MALL: variants seen among roughly 807,000 people sequenced by gnomAD.
MALL encodes mal, T cell differentiation protein like, also known as MAL-like protein.
In MALL, 2 loss-of-function variants were observed where a neutral mutation model predicts 10.3. The ratio of observed to expected loss-of-function variants is 0.19; its 90% CI spans 0.08 to 0.61. The LOEUF is 0.61. Ranked by LOEUF, MALL falls within the 20% of genes least tolerant of loss-of-function variation. The pLI, the probability that MALL is intolerant of heterozygous loss-of-function variation, is 0.88. For missense variants in MALL, 39 were observed against 115.2 expected (o/e 0.34, Z 3.03); for synonymous variants, 27 against 51.8 (o/e 0.52, Z 2.05).
chr2:110,110,723 C>G (rs1031260557), intron 1 of MALL, among the ~76,000 whole-genome samples: 1 of 152,032 alleles, frequency 6.6e-6, no homozygotes, highest in Non-Finnish European at 1.5e-5. Context: ...TTCTATGAAG[C>G]CAGCATCACC....
chr2:110,112,153 C>T (rs987951740), intron 1 of MALL, among the ~76,000 whole-genome samples: 3 of 152,072 alleles, frequency 2.0e-5, no homozygotes, highest in Non-Finnish European at 4.4e-5. Flanking sequence ...TTGGCAAAAC[C>T]CTTCTAGACA....
At chr2:110,116,521 G>C (rs115923814), upstream of MALL, 1 of 152,392 alleles carries the variant, frequency 6.6e-6, no homozygotes, top group African/African-American at 2.4e-5. Context: ...GGACCACACC[G>C]GCAGGCACCA....
intron 1 of MALL, among the ~76,000 whole-genome samples, chr2:110,105,271 G>A (rs374018935): frequency 7.9e-5 from 12 of 152,224 alleles, no homozygotes; most frequent in East Asian, 5.8e-4. Flanking sequence ...GGCCAAGGTG[G>A]CCACAGGCAG....
intron 1 of MALL, among the ~76,000 whole-genome samples, chr2:110,107,886 A>T (rs1678727582): frequency 6.6e-6 from 1 of 152,200 alleles, no homozygotes; most frequent in African/African-American, 2.4e-5. Flanking sequence ...AATCCAGAGT[A>T]CCAGCCCAGA....
In MALL at chr2:110,115,732, C is replaced by A. The variant is rs764075408; in HGVS notation, c.61G>T (p.Ala21Ser). Residue 21 changes from alanine (A) to serine (S), a missense_variant, in exon 1 of 4, where the codon GCG becomes TCG. This residue lies in a region of MALL where 39 missense variants were observed against 48.0 expected (regional missense o/e 0.81). Transcript: ENST00000272462. ...YAPSDVPSGV[A>S]LFLTIPFAFF... ...GCGAAAGGGATGGTGAGGAACAGCG[C>A]GACCCCCGAGGGCACGTCGGACGGG... 2.4e-5 allele frequency: 31 copies of A among 1,292,778 alleles called. No homozygotes were observed. The highest frequency in any genetic ancestry group is 3.1e-5 in the Non-Finnish European group (31 of 1,012,806). The allele number at this position is 1,292,778 out of a possible 1,614,324, so 80.1% of individuals were successfully genotyped here.
chr2:110,101,120 C>G (rs1264451248), intron 1 of MALL, among the ~76,000 whole-genome samples: 3 of 152,040 alleles, frequency 2.0e-5, no homozygotes, highest in East Asian at 1.9e-4. Context: ...CTCCCACCCC[C>G]GTGTCACTGG....
chr2:110,105,091 C>A lies in MALL; in HGVS notation c.105+10597G>T, dbSNP rs187248439. ...GGATCCTTGTTTCTCTTTATTGTTA[C>A]TCTTTCCATTGTTGATGAAACTGCG... On this transcript the variant is annotated intron_variant, in intron 1 of 3. Coordinates refer to ENST00000272462, the MANE Select transcript of MALL (RefSeq NM_005434.5). Among the ~76,000 whole-genome samples, 272 of 152,312 alleles carry A rather than the reference C, an allele frequency of 1.8e-3. 4 individuals carry two copies. The highest frequency in any genetic ancestry group is 9.8e-4 in the Non-Finnish European group (67 of 68,026).
intron 1 of MALL, among the ~76,000 whole-genome samples, chr2:110,098,675 C>T (rs1235736881): frequency 2.6e-5 from 4 of 152,252 alleles, no homozygotes; most frequent in Middle Eastern, 3.4e-3. Flanking sequence ...GCTATGACCA[C>T]GAGTGTCCAA....
intron 1 of MALL, among the ~76,000 whole-genome samples, chr2:110,115,417 C>A (rs1338462860): frequency 6.6e-6 from 1 of 151,606 alleles, no homozygotes; most frequent in Non-Finnish European, 1.5e-5. Context: ...AGTACAGCTG[C>A]GCCCCGCTGT....
chr2:110,101,967 C>T (rs112908445), intron 1 of MALL, among the ~76,000 whole-genome samples: 2 of 152,154 alleles, frequency 1.3e-5, no homozygotes, highest in African/African-American at 2.4e-5. Context: ...GCTCCCACCG[C>T]GGCCCGGTGG....
At chr2:110,114,474 GGGCCT>G (rs1480452031) in intron 1 of MALL, among the ~76,000 whole-genome samples, 1 of 151,854 alleles carries the variant, frequency 6.6e-6, no homozygotes, top group Admixed American at 6.6e-5. Flanking sequence ...GGCACACCCA[GGGCCT>G]GGCACGTAGG....
At chr2:110,110,208 A>G (rs930599175) in intron 1 of MALL, among the ~76,000 whole-genome samples, 1 of 152,164 alleles carries the variant, frequency 6.6e-6, no homozygotes, top group Non-Finnish European at 1.5e-5. Flanking sequence ...AAGAAAGGAA[A>G]TAACCAAGAT....
chr2:110,115,905 A>AC (rs1321350822), upstream of MALL: 24 of 439,892 alleles, frequency 5.5e-5, no homozygotes, highest in East Asian at 6.8e-4. Flanking sequence ...AAAAAAAAAA[A>AC]AACGTTCCAG....
intron 1 of MALL, among the ~76,000 whole-genome samples, chr2:110,108,907 A>G (rs1678748368): frequency 6.6e-6 from 1 of 152,180 alleles, no homozygotes; most frequent in Non-Finnish European, 1.5e-5. Flanking sequence ...AAACAAAACA[A>G]TTATCAGCCA....
intron 1 of MALL, among the ~76,000 whole-genome samples, chr2:110,095,979 A>C (rs1678431947): frequency 6.6e-6 from 1 of 152,190 alleles, no homozygotes; most frequent in Admixed American, 6.5e-5. Context: ...TAAAACAAAA[A>C]CTTATTTGGT....
chr2:110,096,027 T>C (rs1678432869), intron 1 of MALL, among the ~76,000 whole-genome samples: 1 of 152,170 alleles, frequency 6.6e-6, no homozygotes, highest in Admixed American at 6.5e-5. Context: ...AAAACTGCTT[T>C]AAAAGAAAGA....
chr2:110,095,924 G>T (rs1265708182), intron 1 of MALL, among the ~76,000 whole-genome samples: 1 of 152,090 alleles, frequency 6.6e-6, no homozygotes, highest in Non-Finnish European at 1.5e-5. Flanking sequence ...ATGATGGATT[G>T]GAATGCATCA....
intron 1 of MALL, among the ~76,000 whole-genome samples, chr2:110,102,486 T>G (rs570169135): frequency 1.2e-3 from 181 of 152,260 alleles, no homozygotes; most frequent in African/African-American, 3.9e-3. Flanking sequence ...AGCAAGTGCT[T>G]GGTACATGTC....
At chr2:110,097,095 C>CAAAAAAAAAAAAAAAAAAAAA (rs71405880) in intron 1 of MALL, among the ~76,000 whole-genome samples, 1 of 139,682 alleles carries the variant, frequency 7.2e-6, no homozygotes. Context: ...CAAAACAAAA[C>CAAAAAAAAAAAAAAAAAAAAA]AAAAAAAAAA....
Sources: gnomAD v4.1 joint callset for allele counts (sites outside exome capture counted in the v4.1 genomes callset) on GRCh38, gnomAD v4.1.1 for gene constraint, gnomAD v4.1.1 regional missense constraint, MANE v1.5 for transcripts, NCBI Gene and HGNC (gene_info 2026-07-23, HGNC 2026-07-21) for gene names.